The following SCN8A variants were observed in gnomAD, a reference collection of about 807,000 sequenced individuals.
SCN8A encodes the protein sodium channel protein type 8 subunit alpha.
A neutral mutation model predicts 184.1 loss-of-function variants in SCN8A; 30 were observed. The ratio of observed to expected loss-of-function variants is 0.16; its 90% confidence interval spans 0.12 to 0.22. The LOEUF (loss-of-function observed/expected upper bound fraction) is 0.22, where lower values mean the gene tolerates loss of function less well. Among genes scored for constraint, SCN8A ranks in the 10% least tolerant of loss-of-function variants. The probability of loss-of-function intolerance (pLI) is 1.00; values close to 1 mark genes in which losing one functional copy is unlikely to be tolerated. For missense variants in SCN8A, 1,057 were observed against 2,498.9 expected, an observed-to-expected ratio of 0.42 and a Z score of 12.30; for synonymous variants, 852 against 907.0, an observed-to-expected ratio of 0.94 and a Z score of 1.09.
chr12:51,745,498 A>T (rs1942495303), intron 12 of SCN8A, among the ~76,000 whole-genome samples: 1 of 152,228 alleles, frequency 6.6e-6, no homozygotes, highest in African/African-American at 2.4e-5. Flanking sequence ...AAATAGAAGT[A>T]AATTTGACTT....
At chr12:51,720,648 T>A (rs1942037865) in intron 11 of SCN8A, among the ~76,000 whole-genome samples, 1 of 151,004 alleles carries the variant, frequency 6.6e-6, no homozygotes, top group African/African-American at 2.4e-5. Flanking sequence ...ATAAATAAAA[T>A]GGGGTGGGAG....
chr12:51,720,704 T>C (rs1942038921), intron 11 of SCN8A, among the ~76,000 whole-genome samples: 1 of 152,128 alleles, frequency 6.6e-6, no homozygotes, highest in Non-Finnish European at 1.5e-5. Context: ...TGAAGGCCAC[T>C]GTTGGAGTAG....
intron 1 of SCN8A, among the ~76,000 whole-genome samples, chr12:51,626,518 G>A (rs183926794): frequency 1.3e-5 from 2 of 152,246 alleles, no homozygotes; most frequent in East Asian, 3.9e-4. Flanking sequence ...TGTCCTCAAG[G>A]AGCTCGTGAT....
intron 3 of SCN8A, among the ~76,000 whole-genome samples, chr12:51,684,897 A>G (rs974540539): frequency 6.6e-6 from 1 of 152,198 alleles, no homozygotes; most frequent in Admixed American, 6.5e-5. Context: ...TTATTAACAT[A>G]TGAGAGTGCA....
chr12:51,623,243 A>G (rs1940001904), intron 1 of SCN8A, among the ~76,000 whole-genome samples: 1 of 152,192 alleles, frequency 6.6e-6, no homozygotes, highest in Non-Finnish European at 1.5e-5. Flanking sequence ...TTAGGAAATA[A>G]AAGTATGTAT....
chr12:51,721,351 A>C (rs560156547), intron 11 of SCN8A, among the ~76,000 whole-genome samples, 195 bp from the exon 12 acceptor site: 33 of 152,084 alleles, frequency 2.2e-4, no homozygotes, highest in African/African-American at 8.0e-4. Flanking sequence ...GTAACTGGTC[A>C]AGCACAGGTG....
intron 2 of SCN8A, among the ~76,000 whole-genome samples, chr12:51,682,472 A>G (rs549255338): frequency 6.6e-6 from 1 of 152,328 alleles, no homozygotes; most frequent in East Asian, 1.9e-4. Flanking sequence ...TGCAAGGTAC[A>G]GAAGAGTATT....
At chr12:51,684,147 A>G (rs1175878689) in intron 2 of SCN8A, 27 bp from the exon 3 acceptor site, 6 of 1,124,218 alleles carry the variant, frequency 5.3e-6, no homozygotes, top group Non-Finnish European at 8.2e-6. Flanking sequence ...ATGCTTTAAT[A>G]ATTTCTCTCT....
At position 51,762,634 on chromosome 12, in the gene SCN8A, A is replaced by G. The variant is rs772031719; in HGVS notation, c.2502A>G (p.Leu834=). 1.9e-6 allele frequency: 3 copies of G among 1,609,960 alleles called. No homozygotes were observed. Among genetic ancestry groups the G allele is most frequent in the Non-Finnish European group, 2.5e-6 (3 of 1,178,832 alleles). ...IVSLSLMELS[L]ADVEGLSVLR... ...CCCTCAGTTTAATGGAACTGAGTCT[A>G]GCAGACGTGGAGGGGCTTTCAGTGC... The change falls in exon 15 of 27, where the codon CTA becomes CTG. Residue 834 remains leucine (L), a synonymous_variant. Coordinates refer to ENST00000627620, the MANE Select transcript of SCN8A (RefSeq NM_001330260.2).
intron 22 of SCN8A, among the ~76,000 whole-genome samples, chr12:51,788,286 C>G (rs1472352253): frequency 5.4e-5 from 5 of 92,266 alleles, no homozygotes; most frequent in Non-Finnish European, 9.8e-5. Context: ...TCGCTTAACA[C>G]CTTTTTTTTT....
intron 13 of SCN8A, among the ~76,000 whole-genome samples, 164 bp from the exon 14 acceptor site, chr12:51,751,191 G>T (rs1942588626): frequency 6.6e-6 from 1 of 152,180 alleles, no homozygotes; most frequent in African/African-American, 2.4e-5. Flanking sequence ...TGTGGATCAT[G>T]CTTCCTCTCT....
At chr12:51,608,000 T>C (rs78063571) in intron 1 of SCN8A, among the ~76,000 whole-genome samples, 3,352 of 151,616 alleles carry the variant, frequency 0.022, 184 homozygotes, top group East Asian at 0.18. Context: ...TCAAAAGGAT[T>C]GGTACCAATT....
At chr12:51,717,588 TAAG>T (rs1167556220) in intron 11 of SCN8A, among the ~76,000 whole-genome samples, 1 of 152,192 alleles carries the variant, frequency 6.6e-6, no homozygotes, top group Non-Finnish European at 1.5e-5. Context: ...AACATACATG[TAAG>T]AAGAATAGTA....
At chr12:51,609,205 T>C (rs1939663658) in intron 1 of SCN8A, among the ~76,000 whole-genome samples, 1 of 152,226 alleles carries the variant, frequency 6.6e-6, no homozygotes, top group African/African-American at 2.4e-5. Context: ...GAATGTGTAT[T>C]CTGTGGTTGT....
At chr12:51,595,643 G>A (rs1256332680) in intron 1 of SCN8A, among the ~76,000 whole-genome samples, 1 of 152,144 alleles carries the variant, frequency 6.6e-6, no homozygotes, top group African/African-American at 2.4e-5. Flanking sequence ...TAATACCTAC[G>A]TTGCAGGGTA....
chr12:51,770,340 C>T (rs1416838474), intron 18 of SCN8A, 189 bp from the exon 19 acceptor site: 4 of 647,974 alleles, frequency 6.2e-6, no homozygotes, highest in Admixed American at 3.0e-5. Flanking sequence ...GGCCTTGCCC[C>T]ATTAGCCTTT....
At chr12:51,684,568 CTTTA>C (rs757882664) in intron 3 of SCN8A, among the ~76,000 whole-genome samples, 5 of 152,144 alleles carry the variant, frequency 3.3e-5, no homozygotes, top group Admixed American at 2.6e-4. Flanking sequence ...GAAGTCTTAA[CTTTA>C]TTTAGTACTC....
At chr12:51,604,706 T>C (rs1055070151) in intron 1 of SCN8A, among the ~76,000 whole-genome samples, 6 of 152,082 alleles carry the variant, frequency 3.9e-5, no homozygotes, top group Non-Finnish European at 7.4e-5. Flanking sequence ...TTTGTATTTT[T>C]CTTTTTTAGT....
At chr12:51,707,139 A>G (rs1473359672) in intron 11 of SCN8A, among the ~76,000 whole-genome samples, 2 of 152,074 alleles carry the variant, frequency 1.3e-5, no homozygotes, top group Admixed American at 6.6e-5. Context: ...GGTTGATTTC[A>G]TATTTTGTCT....
Sources: gnomAD v4.1 joint callset for allele counts (sites outside exome capture counted in the v4.1 genomes callset) on GRCh38, gnomAD v4.1.1 for gene constraint, MANE v1.5 for transcripts, NCBI Gene and HGNC (gene_info 2026-07-23, HGNC 2026-07-21) for gene names.